The following ACSL3 variants were observed in gnomAD, a reference collection of about 807,000 sequenced individuals.
ACSL3 encodes the protein fatty acid CoA ligase Acsl3.
A neutral mutation model predicts 84.7 loss-of-function variants in ACSL3; 34 were observed. That is an observed-to-expected ratio of 0.40 (90% CI 0.31 to 0.53). ACSL3 has a LOEUF of 0.53. Among genes scored for constraint, ACSL3 ranks in the 20% least tolerant of loss-of-function variants. The pLI is 0.48. For synonymous variants in ACSL3, 315 were observed against 299.4 expected (o/e 1.05, Z -0.54); for missense variants, 680 against 873.1 (o/e 0.78, Z 2.79).
At chr2:222,921,233 C>G in intron 7 of ACSL3, 47 bp from the exon 8 acceptor site, 1 of 1,569,952 alleles carries the variant, frequency 6.4e-7, no homozygotes, top group South Asian at 1.2e-5. Context: ...GTTGATACAG[C>G]TGAATCTCAT....
chr2:222,878,467 GACA>G (rs1406256462), intron 1 of ACSL3, among the ~76,000 whole-genome samples: 3 of 152,168 alleles, frequency 2.0e-5, no homozygotes, highest in Admixed American at 6.5e-5. Flanking sequence ...TGACACTCCT[GACA>G]ACAAGTGTTT....
intron 16 of ACSL3, among the ~76,000 whole-genome samples, chr2:222,935,791 G>T (rs765834657): frequency 1.3e-5 from 2 of 151,884 alleles, no homozygotes; most frequent in Non-Finnish European, 2.9e-5. Flanking sequence ...ATCTCATAAC[G>T]TTCAATTTAC....
intron 1 of ACSL3, among the ~76,000 whole-genome samples, chr2:222,873,552 A>G (rs972934952): frequency 2.6e-5 from 4 of 152,194 alleles, no homozygotes; most frequent in African/African-American, 9.6e-5. Flanking sequence ...AAAATACGTA[A>G]AAGCATAAAT....
intron 15 of ACSL3, chr2:222,933,586 G>A (rs1031740444): frequency 9.6e-6 from 2 of 208,040 alleles, no homozygotes; most frequent in African/African-American, 4.6e-5. Flanking sequence ...CCTCAGCAGG[G>A]GAAGCTTCAC....
chr2:222,919,423 A>T (rs57570971), intron 7 of ACSL3: 1 of 380,160 alleles, frequency 2.6e-6, no homozygotes, highest in African/African-American at 2.1e-5. Context: ...GGTAGTATTT[A>T]TTTGAAATTT....
intron 4 of ACSL3, among the ~76,000 whole-genome samples, chr2:222,915,702 G>A (rs565131870): frequency 1.1e-4 from 16 of 152,334 alleles, no homozygotes; most frequent in African/African-American, 3.8e-4. Flanking sequence ...AGCATTTAAG[G>A]CTTGAATAGA....
chr2:222,929,016 G>A, intron 13 of ACSL3, 80 bp downstream of exon 13: 1 of 1,177,864 alleles, frequency 8.5e-7, no homozygotes, highest in East Asian at 2.4e-5. Flanking sequence ...TCTTGCTTTA[G>A]AATGTAAACA....
In ACSL3 at chr2:222,940,620, C is replaced by T. The variant is rs139685097; in HGVS notation, c.2006-877C>T. ...TTACTGCCTTTTCTATGTTTAGATA[C>T]ACTTAAATACACAAATACTTAACTA... On this transcript the variant is annotated intron_variant, in intron 16 of 16. Transcript: ENST00000357430. Among the ~76,000 whole-genome samples, 46 of 152,186 alleles carry T rather than the reference C, an allele frequency of 3.0e-4. 1 individual carries two copies. Among genetic ancestry groups the T allele is most frequent in the Middle Eastern group, 3.4e-3 (1 of 294 alleles).
intron 1 of ACSL3, among the ~76,000 whole-genome samples, chr2:222,883,829 GAA>G (rs1695656141): frequency 1.3e-5 from 2 of 152,032 alleles, no homozygotes; most frequent in South Asian, 2.1e-4. Context: ...TCTTTATCTG[GAA>G]AAGAGTCTCC....
chr2:222,922,174 T>C (rs768376493), intron 8 of ACSL3, among the ~76,000 whole-genome samples: 12 of 152,214 alleles, frequency 7.9e-5, no homozygotes, highest in Non-Finnish European at 1.3e-4. Context: ...TACAAATACT[T>C]ACACATTTTC....
intron 16 of ACSL3, among the ~76,000 whole-genome samples, chr2:222,935,619 C>A (rs1697151416): frequency 6.6e-6 from 1 of 152,168 alleles, no homozygotes; most frequent in African/African-American, 2.4e-5. Context: ...GTGTATATTC[C>A]TTTGGAAACC....
At chr2:222,915,984 G>A (rs4521033) in intron 4 of ACSL3, among the ~76,000 whole-genome samples, 127,229 of 152,154 alleles carry the variant, frequency 0.84, 53,526 homozygotes, top group East Asian at 0.97. Flanking sequence ...ATTTAAATAG[G>A]TGAAATTTAT....
chr2:222,920,386 T>C (rs890393764), intron 7 of ACSL3, among the ~76,000 whole-genome samples: 1 of 152,186 alleles, frequency 6.6e-6, no homozygotes, highest in Non-Finnish European at 1.5e-5. Context: ...TATTTCTCTT[T>C]GTTCTTCTGC....
intron 12 of ACSL3, 123 bp downstream of exon 12, chr2:222,927,312 A>G (rs1696909899): frequency 1.1e-6 from 1 of 945,448 alleles, no homozygotes; most frequent in Non-Finnish European, 1.5e-6. Context: ...ATAATGGTGG[A>G]TTCCAAGTAC....
In ACSL3 at chr2:222,887,850, A is replaced by G. The variant is rs1344407863; in HGVS notation, c.-186A>G. 6.6e-5 allele frequency: 10 copies of G among 152,210 alleles called. No individual in the cohort carries two copies. Among genetic ancestry groups the G allele is most frequent in the Non-Finnish European group, 5.9e-5 (4 of 68,030 alleles). 9.4% of individuals were successfully genotyped at this position (152,210 alleles called of 1,614,324 possible). A position where few individuals can be genotyped will look rare whatever the true frequency, so the allele number is the denominator to read the frequency against. ...GACAGGTTTTGACACAAGGGCGCAT[A>G]TCTTCAAAGCACCTAGTACCTCCTA... On this transcript the variant is annotated 5_prime_UTR_variant, in exon 2 of 17. The change creates a new upstream start codon in the 5' untranslated region. Transcript: ENST00000357430.
chr2:222,863,488 T>C (rs1364508991), intron 1 of ACSL3, among the ~76,000 whole-genome samples: 1 of 152,256 alleles, frequency 6.6e-6, no homozygotes, highest in Non-Finnish European at 1.5e-5. Context: ...TGTCATTCTG[T>C]CTGCCTTCAG....
intron 2 of ACSL3, among the ~76,000 whole-genome samples, chr2:222,894,080 A>G (rs959029982): frequency 3.3e-5 from 5 of 152,172 alleles, no homozygotes; most frequent in African/African-American, 1.2e-4. Context: ...GATATTAATA[A>G]TATTATTTAA....
chr2:222,911,091 C>G (rs1433577769), intron 4 of ACSL3, among the ~76,000 whole-genome samples: 1 of 150,718 alleles, frequency 6.6e-6, no homozygotes, highest in South Asian at 2.1e-4. Flanking sequence ...CTCTTGTTGC[C>G]CAGGCTGGAG....
At chr2:222,888,360 T>C (rs1046216823) in intron 2 of ACSL3, among the ~76,000 whole-genome samples, 3 of 152,180 alleles carry the variant, frequency 2.0e-5, no homozygotes, top group African/African-American at 7.2e-5. Flanking sequence ...ATTCTTTCTG[T>C]GTCATCTGAA....
Sources: gnomAD v4.1 joint callset for allele counts (sites outside exome capture counted in the v4.1 genomes callset) on GRCh38, gnomAD v4.1.1 for gene constraint, MANE v1.5 for transcripts, NCBI Gene and HGNC (gene_info 2026-07-23, HGNC 2026-07-21) for gene names.